The following EGFLAM variants were observed in gnomAD, a reference collection of about 807,000 sequenced individuals.
The protein encoded by EGFLAM is EGF like, fibronectin type III and laminin G domains, also known as pikachurin.
EGFLAM carries 79 observed loss-of-function variants against 113.1 expected under a neutral mutation model. The ratio of observed to expected loss-of-function variants is 0.70; its 90% CI spans 0.58 to 0.84. The LOEUF is 0.84. EGFLAM is among the 40% of genes least tolerant of loss of function. The probability of loss-of-function intolerance (pLI) is 0.00; values close to 1 mark genes in which losing one functional copy is unlikely to be tolerated. For missense variants in EGFLAM, 1,265 were observed against 1,291.6 expected, an observed-to-expected ratio of 0.98 and a Z score of 0.32; for synonymous variants, 504 against 487.6, an observed-to-expected ratio of 1.03 and a Z score of -0.44.
intron 6 of EGFLAM, among the ~76,000 whole-genome samples, chr5:38,396,464 G>A (rs1190029278): frequency 6.6e-6 from 1 of 152,150 alleles, no homozygotes; most frequent in African/African-American, 2.4e-5. Flanking sequence ...CATTTATTTT[G>A]CATTTACCAT....
At position 38,350,417 on chromosome 5, in the gene EGFLAM, G is replaced by A. The variant is rs934211002; in HGVS notation, c.292-84G>A. On this transcript the variant is annotated intron_variant, in intron 3 of 21. Transcript: ENST00000322350. Reference sequence around the variant, plus strand: ...TGCCAAGCAGTTTCACAGGGGCCTCGAGATATAAACCTCATGGAAATTGTA... The same window carrying A: ...TGCCAAGCAGTTTCACAGGGGCCTCAAGATATAAACCTCATGGAAATTGTA... 24 of 1,335,182 alleles carry A rather than the reference G, an allele frequency of 1.8e-5. No individual in the cohort carries two copies. The Admixed American group carries it at 2.0e-4, about 11-fold the overall frequency. 82.7% of individuals were successfully genotyped at this position (1,335,182 alleles called of 1,614,324 possible). A position where few individuals can be genotyped will look rare whatever the true frequency, so the allele number is the denominator to read the frequency against.
At chr5:38,362,845 C>T (rs1386764093) in intron 5 of EGFLAM, among the ~76,000 whole-genome samples, 6 of 152,168 alleles carry the variant, frequency 3.9e-5, no homozygotes, top group African/African-American at 9.7e-5. Flanking sequence ...AAATTGATCC[C>T]GTAAAGCTTC....
chr5:38,269,712 A>G (rs1258108852), intron 1 of EGFLAM, among the ~76,000 whole-genome samples: 2 of 152,026 alleles, frequency 1.3e-5, no homozygotes, highest in African/African-American at 4.8e-5. Flanking sequence ...GATAGTCTCG[A>G]TCTCCTGACC....
chr5:38,266,659 A>G (rs1308878839), intron 1 of EGFLAM, among the ~76,000 whole-genome samples: 2 of 152,172 alleles, frequency 1.3e-5, no homozygotes, highest in Non-Finnish European at 2.9e-5. Context: ...TGAATTAACA[A>G]ATTAGAAAGA....
intron 1 of EGFLAM, among the ~76,000 whole-genome samples, chr5:38,317,139 AT>A (rs1272952653): frequency 3.3e-5 from 5 of 152,232 alleles, no homozygotes; most frequent in South Asian, 2.1e-4. Flanking sequence ...TGTCAAAAAA[AT>A]ATCTGTTTTC....
chr5:38,445,773 G>C (rs950239240), intron 17 of EGFLAM: 1 of 1,519,074 alleles, frequency 6.6e-7, no homozygotes, highest in Non-Finnish European at 9.0e-7. Context: ...GCATGCAGGG[G>C]GACCCGGGGT....
At chr5:38,438,138 A>G (rs1467432881) in intron 16 of EGFLAM, 137 bp from the exon 17 acceptor site, 2 of 783,158 alleles carry the variant, frequency 2.6e-6, no homozygotes, top group Non-Finnish European at 3.7e-6. Flanking sequence ...AAAAAAAAAA[A>G]AAGTGGAAAC....
chr5:38,371,276 G>A (rs1041336269), intron 6 of EGFLAM, among the ~76,000 whole-genome samples: 7 of 152,048 alleles, frequency 4.6e-5, no homozygotes, highest in Admixed American at 1.3e-4. Flanking sequence ...ACATTCCTCC[G>A]GTAGAGCCCG....
chr5:38,394,494 G>C (rs1031560526), intron 6 of EGFLAM, among the ~76,000 whole-genome samples: 1 of 149,976 alleles, frequency 6.7e-6, no homozygotes, highest in African/African-American at 2.5e-5. Flanking sequence ...ACTGCAAGCT[G>C]CGCCTCCCGG....
chr5:38,391,832 A>T (rs1420801832), intron 6 of EGFLAM, among the ~76,000 whole-genome samples: 2 of 151,540 alleles, frequency 1.3e-5, no homozygotes, highest in Non-Finnish European at 2.9e-5. Context: ...GCTGGACTGC[A>T]GTGGCGCAAC....
chr5:38,349,647 G>T (rs945444746), intron 3 of EGFLAM, among the ~76,000 whole-genome samples: 5 of 151,942 alleles, frequency 3.3e-5, no homozygotes, highest in South Asian at 2.1e-4. Flanking sequence ...TCAGACCCAG[G>T]CTCCCAATTA....
At chr5:38,343,010 A>T (rs960997461) in intron 3 of EGFLAM, among the ~76,000 whole-genome samples, 1 of 152,080 alleles carries the variant, frequency 6.6e-6, no homozygotes, top group Non-Finnish European at 1.5e-5. Flanking sequence ...GAGAGAGAAA[A>T]CTTACAGGAA....
intron 17 of EGFLAM, among the ~76,000 whole-genome samples, chr5:38,444,144 T>C (rs1742634320): frequency 6.6e-6 from 1 of 152,190 alleles, no homozygotes. Context: ...GCAGGGCTTC[T>C]GGCTTGGAGG....
In EGFLAM at chr5:38,427,250, C is replaced by T; in HGVS notation, c.2052C>T (p.Leu684=). 2 of 1,612,756 alleles carry T rather than the reference C, an allele frequency of 1.2e-6. No individual in the cohort carries two copies. Among genetic ancestry groups the T allele is most frequent in the Non-Finnish European group, 1.7e-6 (2 of 1,179,368 alleles). ...ACTGTGGCTCTGGGACCGGTGTCCT[C>T]AGGTGAGGGCTGAAAACTTCTGGGA... ...RFDCGSGTGV[L]RSEDPLTLGN... The change falls in exon 14 of 22, where the codon CTC becomes CTT. Residue 684 remains leucine (L), a splice_region_variant and synonymous_variant. Transcript: ENST00000322350.
At chr5:38,279,171 T>C (rs1342068006) in intron 1 of EGFLAM, among the ~76,000 whole-genome samples, 1 of 152,134 alleles carries the variant, frequency 6.6e-6, no homozygotes, top group African/African-American at 2.4e-5. Flanking sequence ...CAATGAGATA[T>C]CATCTTACCC....
At chr5:38,342,905 A>T (rs572474727) in intron 3 of EGFLAM, among the ~76,000 whole-genome samples, 1 of 152,274 alleles carries the variant, frequency 6.6e-6, no homozygotes, top group East Asian at 1.9e-4. Context: ...AATAGAGTTC[A>T]TGTGTTTTCT....
chr5:38,369,352 G>A (rs1435323031), intron 5 of EGFLAM, among the ~76,000 whole-genome samples: 2 of 151,934 alleles, frequency 1.3e-5, no homozygotes, highest in Admixed American at 6.6e-5. Context: ...TTACACAATA[G>A]CACATCTCAA....
chr5:38,414,421 G>A (rs1377510719), intron 11 of EGFLAM, among the ~76,000 whole-genome samples: 2 of 152,204 alleles, frequency 1.3e-5, no homozygotes, highest in Admixed American at 6.5e-5. Context: ...GCTTAAAGTG[G>A]GGGAAGTTCC....
Position 38,370,568 on chromosome 5 carries a change from G to T in EGFLAM, c.712+106G>T, listed in dbSNP as rs911667520. Reference sequence around the variant, plus strand: ...CCGTGCAGAAGGACAGCCTGGAAAAGGGCTAACCCCAGGCTTTCCTCCTGT... The same window carrying T: ...CCGTGCAGAAGGACAGCCTGGAAAATGGCTAACCCCAGGCTTTCCTCCTGT... On this transcript the variant is annotated intron_variant, in intron 6 of 21. Transcript: ENST00000322350. 3 of 1,371,892 alleles carry T rather than the reference G, an allele frequency of 2.2e-6. No homozygotes were observed. In the African/African-American group the frequency reaches 4.4e-5, roughly 20 times the overall value. 85.0% of individuals were successfully genotyped at this position (1,371,892 alleles called of 1,614,324 possible).
Sources: allele counts gnomAD v4.1 joint callset (sites outside exome capture counted in the v4.1 genomes callset), GRCh38; gene constraint gnomAD v4.1.1; transcripts MANE v1.5; gene names NCBI Gene and HGNC (gene_info 2026-07-23, HGNC 2026-07-21).